The following KCNN2 variants were observed in gnomAD, a reference collection of about 807,000 sequenced individuals.
KCNN2 encodes the protein small conductance calcium-activated potassium channel protein 2.
A neutral mutation model predicts 55.5 loss-of-function variants in KCNN2; 24 were observed. The ratio of observed to expected loss-of-function variants is 0.43; its 90% CI spans 0.31 to 0.61. The LOEUF is 0.61. Ranked by LOEUF, KCNN2 falls within the 20% of genes least tolerant of loss-of-function variation. The probability of loss-of-function intolerance (pLI) is 0.08; values close to 1 mark genes in which losing one functional copy is unlikely to be tolerated. For synonymous variants in KCNN2, 431 were observed against 336.1 expected (o/e 1.28, Z -3.09); for missense variants, 754 against 853.6 (o/e 0.88, Z 1.45).
chr5:114,393,290 G>C (rs1202444836), intron 2 of KCNN2, among the ~76,000 whole-genome samples: 1 of 152,090 alleles, frequency 6.6e-6, no homozygotes, highest in Non-Finnish European at 1.5e-5. Context: ...ATTTATTTTT[G>C]TTCATGCTGT....
At chr5:114,140,183 A>G (rs990783286) in intron 1 of KCNN2, among the ~76,000 whole-genome samples, 5 of 152,220 alleles carry the variant, frequency 3.3e-5, no homozygotes, top group African/African-American at 1.2e-4. Flanking sequence ...TATATAAACA[A>G]AGGGTTTCTT....
At chr5:114,118,415 C>G (rs1751761233) in intron 1 of KCNN2, among the ~76,000 whole-genome samples, 1 of 152,108 alleles carries the variant, frequency 6.6e-6, no homozygotes, top group Admixed American at 6.5e-5. Flanking sequence ...AAGTTGGAGA[C>G]CCGGGAAAGC....
At chr5:114,470,269 A>G (rs552232833) in intron 4 of KCNN2, among the ~76,000 whole-genome samples, 18 of 152,292 alleles carry the variant, frequency 1.2e-4, no homozygotes, top group African/African-American at 3.6e-4. Flanking sequence ...ACAATATTCA[A>G]CTTTTTATGC....
Position 114,456,217 on chromosome 5 carries a change from G to A in KCNN2, c.1638-6832G>A, listed in dbSNP as rs549423022. On this transcript the variant is annotated intron_variant, in intron 3 of 7. Transcript: ENST00000673685. ...AGGTACTAATGCTGCTGGTGACTCTGAGTTGAAGGCAATCCTGATTTACCA... is the reference window on the plus strand; with the variant it reads ...AGGTACTAATGCTGCTGGTGACTCTAAGTTGAAGGCAATCCTGATTTACCA... 2.0e-5 allele frequency among the ~76,000 whole-genome samples: 3 copies of A among 152,306 alleles called. No homozygotes were observed. The South Asian group carries it at 6.2e-4, about 32-fold the overall frequency.
At chr5:114,393,120 T>C (rs1015761368) in intron 2 of KCNN2, among the ~76,000 whole-genome samples, 1 of 152,178 alleles carries the variant, frequency 6.6e-6, no homozygotes, top group African/African-American at 2.4e-5. Flanking sequence ...AATTTAAATA[T>C]AAATCTTTCA....
chr5:114,397,207 G>A (rs1482629623), intron 2 of KCNN2, among the ~76,000 whole-genome samples: 7 of 152,132 alleles, frequency 4.6e-5, no homozygotes, highest in Non-Finnish European at 7.3e-5. Context: ...TCTTTATGGC[G>A]AAATGATTTA....
At chr5:114,329,163 G>A (rs1439478031) in intron 2 of KCNN2, among the ~76,000 whole-genome samples, 1 of 152,138 alleles carries the variant, frequency 6.6e-6, no homozygotes, top group Non-Finnish European at 1.5e-5. Context: ...GAATGGCCTT[G>A]GTACATTACA....
rs1412071425 is a variant in KCNN2 at position 114,158,356 on chromosome 5, G to A, written c.-270-63124G>A. On this transcript the variant is annotated intron_variant, in intron 1 of 10. Coordinates refer to the KCNN2 transcript ENST00000512097. ...CTGAGGGCTCTGTTCTGTTCCATTGGTCTATATCTCTGTTTTGGTACCAGT... is the reference window on the plus strand; with the variant it reads ...CTGAGGGCTCTGTTCTGTTCCATTGATCTATATCTCTGTTTTGGTACCAGT... Among the ~76,000 whole-genome samples, 6 of 152,184 alleles carry A rather than the reference G, an allele frequency of 3.9e-5. No individual in the cohort carries two copies. The East Asian group carries it at 9.7e-4, about 25-fold the overall frequency.
chr5:114,465,796 A>G (rs182901303), intron 4 of KCNN2, among the ~76,000 whole-genome samples: 3 of 152,310 alleles, frequency 2.0e-5, no homozygotes, highest in Admixed American at 1.3e-4. Flanking sequence ...CTTATTTCCT[A>G]ATTAATTGAC....
At chr5:114,143,545 C>T (rs113588466) in intron 1 of KCNN2, among the ~76,000 whole-genome samples, 1,851 of 152,224 alleles carry the variant, frequency 0.012, 39 homozygotes, top group African/African-American at 0.04. Flanking sequence ...AGGTGCCCCT[C>T]GTGCGTCCAT....
At chr5:114,263,790 T>C (rs1164130263) in intron 2 of KCNN2, among the ~76,000 whole-genome samples, 4 of 152,214 alleles carry the variant, frequency 2.6e-5, no homozygotes, top group Admixed American at 2.0e-4. Context: ...TAACACCTTT[T>C]AGACTATTCA....
Position 114,495,954 on chromosome 5 carries a change from G to A in KCNN2, c.2148G>A (p.Glu716=). Residue 716 remains glutamate (E), a synonymous_variant, in exon 8 of 8, where the codon GAG becomes GAA. Coordinates refer to ENST00000673685, the MANE Select transcript of KCNN2 (RefSeq NM_021614.4). ...SDLNERSEDF[E]KRIVTLETKL... ...TAAACGAAAGGAGTGAAGACTTCGA[G>A]AAGAGGATTGTTACCCTGGAAACAA... is the stretch of plus-strand genomic sequence containing the variant. 1 of 1,614,040 alleles carries A rather than the reference G, an allele frequency of 6.2e-7. No homozygotes were observed. Among genetic ancestry groups the A allele is most frequent in the Non-Finnish European group, 8.5e-7 (1 of 1,179,940 alleles).
Position 114,288,799 on chromosome 5 carries a change from G to A in KCNN2, c.-185+67234G>A, listed in dbSNP as rs55875325. On this transcript the variant is annotated intron_variant, in intron 2 of 10. Transcript: ENST00000512097. Reference sequence around the variant, plus strand: ...ATATATGATTTGCAAATATTTTCACGCATCCTGTAGGTTGTCTTTTCACCT... The same window carrying A: ...ATATATGATTTGCAAATATTTTCACACATCCTGTAGGTTGTCTTTTCACCT... Among the ~76,000 whole-genome samples the A allele has an allele frequency of 7.8e-4, 119 of 152,024 alleles. 1 individual carries two copies. The highest frequency in any genetic ancestry group is 2.8e-3 in the African/African-American group (116 of 41,466).
At chr5:114,131,936 G>A (rs535492459) in intron 1 of KCNN2, among the ~76,000 whole-genome samples, 4 of 152,214 alleles carry the variant, frequency 2.6e-5, no homozygotes, top group Admixed American at 2.6e-4. Flanking sequence ...TCTTTTAAAA[G>A]TATTTGTTCA....
intron 3 of KCNN2, among the ~76,000 whole-genome samples, chr5:114,430,567 C>T (rs778512974): frequency 9.9e-5 from 15 of 152,036 alleles, no homozygotes; most frequent in Non-Finnish European, 1.9e-4. Flanking sequence ...TTATTTCTCC[C>T]TTCTCAATCT....
At chr5:114,152,930 T>C (rs1195843720) in intron 1 of KCNN2, among the ~76,000 whole-genome samples, 1 of 152,106 alleles carries the variant, frequency 6.6e-6, no homozygotes, top group African/African-American at 2.4e-5. Context: ...TGAGAAGCCT[T>C]GATGGAGTAA....
intron 4 of KCNN2, among the ~76,000 whole-genome samples, chr5:114,469,504 T>C (rs1318778475): frequency 6.6e-6 from 1 of 152,192 alleles, no homozygotes; most frequent in African/African-American, 2.4e-5. Context: ...TTTCTGACTT[T>C]GGTGAAAGGA....
At chr5:114,242,892 A>T (rs1461231073) in intron 2 of KCNN2, among the ~76,000 whole-genome samples, 1 of 152,186 alleles carries the variant, frequency 6.6e-6, no homozygotes, top group Non-Finnish European at 1.5e-5. Flanking sequence ...TTGGCAGTAA[A>T]TGAGGCCCAA....
At chr5:114,375,467 G>C (rs1240023279) in intron 2 of KCNN2, among the ~76,000 whole-genome samples, 1 of 152,112 alleles carries the variant, frequency 6.6e-6, no homozygotes, top group African/African-American at 2.4e-5. Context: ...TTAGCTTTTA[G>C]AAACTTGCTG....
Sources: allele counts gnomAD v4.1 joint callset (sites outside exome capture counted in the v4.1 genomes callset), GRCh38; gene constraint gnomAD v4.1.1; transcripts MANE v1.5; gene names NCBI Gene and HGNC (gene_info 2026-07-23, HGNC 2026-07-21).